The following PRSS23 variants were observed in gnomAD, a reference collection of about 807,000 sequenced individuals.
The protein encoded by PRSS23 is protease, serine 23.
In PRSS23, 25 loss-of-function variants were observed where a neutral mutation model predicts 34.7. That is an observed-to-expected ratio of 0.72 (90% CI 0.53 to 1.01). The LOEUF is 1.01. PRSS23 is among the 50% of genes least tolerant of loss of function. PRSS23 has a pLI of 0.00. For synonymous variants in PRSS23, 176 were observed against 186.6 expected (o/e 0.94, Z 0.46); for missense variants, 445 against 475.6 (o/e 0.94, Z 0.60).
chr11:86,865,264 G>A (rs1948642319), intron 2 of PRSS23, among the ~76,000 whole-genome samples: 2 of 152,188 alleles, frequency 1.3e-5, no homozygotes, highest in African/African-American at 2.4e-5. Context: ...TACTATATGT[G>A]GTCTTGAGCA....
At chr11:86,910,367 A>G (rs1024272638) in intron 2 of PRSS23, 2 of 152,180 alleles carry the variant, frequency 1.3e-5, no homozygotes, top group African/African-American at 4.8e-5. Context: ...GTAAATTCAT[A>G]CTCCATCAAA....
chr11:86,913,060 G>C (rs548059607), intron 2 of PRSS23, among the ~76,000 whole-genome samples: 2 of 152,172 alleles, frequency 1.3e-5, no homozygotes, highest in Non-Finnish European at 2.9e-5. Flanking sequence ...GCATAGTTCA[G>C]AGAATTGCCA....
upstream of PRSS23, among the ~76,000 whole-genome samples, chr11:86,798,901 C>T (rs957263747): frequency 3.3e-4 from 50 of 152,186 alleles, no homozygotes; most frequent in African/African-American, 1.2e-3. Context: ...TGCCATGTTG[C>T]CCAGGCTGGT....
intron 2 of PRSS23, among the ~76,000 whole-genome samples, chr11:86,904,969 TC>T (rs1422392642): frequency 6.6e-6 from 1 of 152,094 alleles, no homozygotes; most frequent in Non-Finnish European, 1.5e-5. Flanking sequence ...GATGGGAAGA[TC>T]CTTTGAGCCT....
chr11:86,814,699 G>C (rs992800825), downstream of PRSS23, among the ~76,000 whole-genome samples: 1 of 152,136 alleles, frequency 6.6e-6, no homozygotes, highest in Non-Finnish European at 1.5e-5. Flanking sequence ...TGTGCACCAG[G>C]TATGCTTATC....
At chr11:86,905,499 A>G (rs371058610) in intron 2 of PRSS23, among the ~76,000 whole-genome samples, 3 of 152,312 alleles carry the variant, frequency 2.0e-5, no homozygotes, top group South Asian at 4.1e-4. Flanking sequence ...ATAAAATGCC[A>G]GCTAAAAACC....
At chr11:86,791,766 T>G (rs1363401935) in intron 1 of PRSS23, among the ~76,000 whole-genome samples, 1 of 152,226 alleles carries the variant, frequency 6.6e-6, no homozygotes, top group Admixed American at 6.5e-5. Context: ...GTGACCTCTG[T>G]TCAAGGTGGC....
At chr11:86,801,186 T>C (rs978222538) in intron 1 of PRSS23, among the ~76,000 whole-genome samples, 8 of 151,966 alleles carry the variant, frequency 5.3e-5, no homozygotes, top group African/African-American at 1.9e-4. Context: ...TTCTCCGGAG[T>C]GGTTGTCCGT....
chr11:86,928,994 A>G (rs547853138), intron 2 of PRSS23, among the ~76,000 whole-genome samples: 95 of 152,146 alleles, frequency 6.2e-4, no homozygotes, highest in African/African-American at 2.2e-3. Flanking sequence ...GAAGTGGTAC[A>G]ATCCCATGGA....
chr11:86,893,443 C>T (rs1948854525), intron 2 of PRSS23, among the ~76,000 whole-genome samples: 1 of 152,204 alleles, frequency 6.6e-6, no homozygotes, highest in East Asian at 1.9e-4. Flanking sequence ...TGATTTCCGA[C>T]CCACTTATTT....
intron 2 of PRSS23, among the ~76,000 whole-genome samples, chr11:86,838,757 C>G (rs1331880650): frequency 6.6e-6 from 1 of 152,180 alleles, no homozygotes; most frequent in Non-Finnish European, 1.5e-5. Flanking sequence ...GGGTGCCCCT[C>G]TCAGATGAAG....
intron 2 of PRSS23, among the ~76,000 whole-genome samples, chr11:86,853,644 G>C (rs1948547687): frequency 6.6e-6 from 1 of 152,090 alleles, no homozygotes; most frequent in Admixed American, 6.5e-5. Flanking sequence ...CGAACGCTTG[G>C]GTTGCTTCCA....
chr11:86,828,451 T>G (rs1948321900), intron 2 of PRSS23, among the ~76,000 whole-genome samples: 1 of 152,182 alleles, frequency 6.6e-6, no homozygotes, highest in Non-Finnish European at 1.5e-5. Context: ...TTTATCCAAT[T>G]TGCCAGTCTG....
chr11:86,906,138 C>T (rs1948940318), intron 2 of PRSS23, among the ~76,000 whole-genome samples: 1 of 152,196 alleles, frequency 6.6e-6, no homozygotes, highest in South Asian at 2.1e-4. Flanking sequence ...GCAGGAAGGG[C>T]CAGGGCCTGG....
chr11:86,935,106 C>G (rs1346753849), intron 2 of PRSS23: 1 of 152,236 alleles, frequency 6.6e-6, no homozygotes, highest in African/African-American at 2.4e-5. Context: ...CACAGGGCCC[C>G]CAGGCAATAA....
At chr11:86,947,815 G>A (rs1949256338) in intron 2 of PRSS23, 2 of 152,418 alleles carry the variant, frequency 1.3e-5, no homozygotes, top group African/African-American at 4.8e-5. Context: ...CCAGAAAGGA[G>A]GTTGGACAGA....
chr11:86,844,062 C>T (rs1948468588), intron 2 of PRSS23, among the ~76,000 whole-genome samples: 1 of 152,184 alleles, frequency 6.6e-6, no homozygotes, highest in South Asian at 2.1e-4. Flanking sequence ...GGCACACATA[C>T]ACCATTGAAT....
upstream of PRSS23, among the ~76,000 whole-genome samples, chr11:86,799,260 G>T (rs76534442): frequency 1.7e-4 from 26 of 149,742 alleles, no homozygotes; most frequent in African/African-American, 2.9e-4. Flanking sequence ...TAAAATAAAA[G>T]AAAAGACCAC....
intron 2 of PRSS23, among the ~76,000 whole-genome samples, chr11:86,838,564 GCAGA>G (rs1419231335): frequency 6.6e-6 from 1 of 152,232 alleles, no homozygotes; most frequent in Non-Finnish European, 1.5e-5. Context: ...ACGAAAGGCA[GCAGA>G]CAGATTCTGC....
Sources: gnomAD v4.1 joint callset for allele counts (sites outside exome capture counted in the v4.1 genomes callset) on GRCh38, gnomAD v4.1.1 for gene constraint, MANE v1.5 for transcripts, NCBI Gene and HGNC (gene_info 2026-07-23, HGNC 2026-07-21) for gene names.